GRM8: variants seen among roughly 807,000 people sequenced by gnomAD.
GRM8 encodes the protein metabotropic glutamate receptor 8.
Under a neutral mutation model 87.2 loss-of-function variants are expected in GRM8, and 47 were observed. The observed-to-expected ratio is 0.54, with a 90% CI of 0.43 to 0.69. The LOEUF is 0.69. Ranked by LOEUF, GRM8 falls within the 30% of genes least tolerant of loss-of-function variation. GRM8 has a pLI of 0.00. For missense variants in GRM8, 1,019 were observed against 1,139.2 expected (o/e 0.89, Z 1.52); for synonymous variants, 396 against 404.5 (o/e 0.98, Z 0.25).
chr7:126,634,799 CT>C (rs1271486169), intron 7 of GRM8, among the ~76,000 whole-genome samples: 2 of 152,124 alleles, frequency 1.3e-5, no homozygotes, highest in Non-Finnish European at 2.9e-5. Flanking sequence ...TAAGTCTAGC[CT>C]TTACTTAAGA....
intron 8 of GRM8, among the ~76,000 whole-genome samples, chr7:126,602,086 A>C (rs1295324849): frequency 7.4e-6 from 1 of 135,888 alleles, no homozygotes; most frequent in East Asian, 2.3e-4. Context: ...TAAATCTTTA[A>C]TCCATCTTGA....
At chr7:126,462,208 G>A (rs1249395241) in intron 9 of GRM8, among the ~76,000 whole-genome samples, 1 of 150,776 alleles carries the variant, frequency 6.6e-6, no homozygotes, top group Non-Finnish European at 1.5e-5. Context: ...TGAAAATATA[G>A]GTATTAAATA....
At chr7:127,213,599 T>G (rs1189152937) in intron 2 of GRM8, among the ~76,000 whole-genome samples, 2 of 152,190 alleles carry the variant, frequency 1.3e-5, no homozygotes, top group African/African-American at 4.8e-5. Context: ...GTCTTCTAAT[T>G]TTATCCTTTA....
At chr7:126,833,615 T>A (rs1010585886) in intron 6 of GRM8, among the ~76,000 whole-genome samples, 2 of 152,182 alleles carry the variant, frequency 1.3e-5, no homozygotes, top group African/African-American at 4.8e-5. Flanking sequence ...GAAGCCCGTG[T>A]GTCTCTTTCT....
intron 2 of GRM8, among the ~76,000 whole-genome samples, chr7:127,166,499 G>C (rs1001964022): frequency 6.6e-5 from 10 of 152,168 alleles, no homozygotes; most frequent in African/African-American, 2.4e-4. Context: ...TTTTCAGCTT[G>C]TTGCAGGGTC....
chr7:126,446,163 C>T lies in GRM8; in HGVS notation c.2640G>A (p.Glu880=), dbSNP rs775717204. 15 of 1,612,892 alleles carry T rather than the reference C, an allele frequency of 9.3e-6. No homozygotes were observed. Among genetic ancestry groups the T allele is most frequent in the Non-Finnish European group, 1.3e-5 (15 of 1,179,182 alleles). Residue 880 remains glutamate (E), a synonymous_variant, in exon 10 of 11, where the codon GAG becomes GAA. Coordinates refer to ENST00000339582, the MANE Select transcript of GRM8 (RefSeq NM_000845.3). Reference sequence around the variant, plus strand: ...GACTCTCACAGAGTTCACTTTTCACCTCGCCATTTGGTCTGTCATTTCCTT... The same window carrying T: ...GACTCTCACAGAGTTCACTTTTCACTTCGCCATTTGGTCTGTCATTTCCTT... ...IQKGNDRPNG[E]VKSELCESLE... is the part of the protein sequence containing the mutation.
At chr7:126,907,768 G>A (rs1406469583) in intron 3 of GRM8, among the ~76,000 whole-genome samples, 1 of 152,180 alleles carries the variant, frequency 6.6e-6, no homozygotes, top group Non-Finnish European at 1.5e-5. Context: ...GATACAGAGG[G>A]CAGCCTGAAG....
intron 6 of GRM8, among the ~76,000 whole-genome samples, chr7:126,800,614 A>G (rs1016690721): frequency 6.6e-5 from 10 of 152,162 alleles, no homozygotes; most frequent in African/African-American, 2.4e-4. Context: ...GAAGTTTCAA[A>G]GAATATCCAG....
intron 2 of GRM8, among the ~76,000 whole-genome samples, chr7:127,220,899 C>A (rs1335420167): frequency 1.3e-5 from 2 of 152,220 alleles, no homozygotes; most frequent in African/African-American, 4.8e-5. Flanking sequence ...TTCACATGGT[C>A]TTCCTTCTTG....
chr7:126,618,252 A>T (rs1799737525), intron 7 of GRM8, among the ~76,000 whole-genome samples: 1 of 152,202 alleles, frequency 6.6e-6, no homozygotes, highest in Non-Finnish European at 1.5e-5. Flanking sequence ...TCTTTGACAA[A>T]CCTGACAAAA....
At chr7:126,536,050 A>G (rs1044523130) in intron 8 of GRM8, among the ~76,000 whole-genome samples, 5 of 152,228 alleles carry the variant, frequency 3.3e-5, no homozygotes, top group African/African-American at 1.2e-4. Flanking sequence ...TACATTTTGG[A>G]GTTATTTGTT....
intron 9 of GRM8, among the ~76,000 whole-genome samples, chr7:126,488,247 C>T (rs986998074): frequency 6.6e-6 from 1 of 151,946 alleles, no homozygotes; most frequent in African/African-American, 2.4e-5. Flanking sequence ...GGTGGTAGTG[C>T]CAACATTCAT....
intron 8 of GRM8, among the ~76,000 whole-genome samples, chr7:126,557,118 A>C (rs1199784339): frequency 6.6e-6 from 1 of 152,180 alleles, no homozygotes; most frequent in Non-Finnish European, 1.5e-5. Context: ...TTCCTGTGAT[A>C]TTCACTGGAA....
chr7:126,649,191 G>A (rs901211453), intron 7 of GRM8, among the ~76,000 whole-genome samples: 4 of 152,192 alleles, frequency 2.6e-5, no homozygotes, highest in African/African-American at 7.2e-5. Flanking sequence ...ATTGAAGGAT[G>A]CAAGGTATTG....
chr7:126,931,430 A>G (rs1805758937), intron 3 of GRM8, among the ~76,000 whole-genome samples: 2 of 152,228 alleles, frequency 1.3e-5, no homozygotes, highest in Admixed American at 1.3e-4. Flanking sequence ...TGCACTGAGC[A>G]TAATAGGACA....
intron 3 of GRM8, among the ~76,000 whole-genome samples, chr7:126,994,392 G>C (rs1812970527): frequency 6.6e-6 from 1 of 152,296 alleles, no homozygotes; most frequent in Admixed American, 6.5e-5. Flanking sequence ...GCTGGCTTCA[G>C]CTACCAGCTC....
At chr7:127,169,423 G>T (rs556738348) in intron 2 of GRM8, among the ~76,000 whole-genome samples, 1 of 152,318 alleles carries the variant, frequency 6.6e-6, no homozygotes, top group Admixed American at 6.5e-5. Context: ...AGCAGAGGCT[G>T]GTTGATGAGG....
In GRM8 at chr7:126,473,452, G is replaced by A. The variant is rs1805539218; in HGVS notation, c.2431-27080C>T. Among the ~76,000 whole-genome samples, 4 of 152,160 alleles carry A rather than the reference G, an allele frequency of 2.6e-5. No individual in the cohort carries two copies. The South Asian group carries it at 8.3e-4, about 31-fold the overall frequency. ...GGCGAATTTCTCCCATTTGGAACAG[G>A]TGTATTTACCCAATGCCGGTACCCA... On this transcript the variant is annotated intron_variant, in intron 9 of 10. Transcript: ENST00000339582.
At chr7:126,671,427 G>A (rs1791341982) in intron 7 of GRM8, among the ~76,000 whole-genome samples, 2 of 152,102 alleles carry the variant, frequency 1.3e-5, no homozygotes, top group African/African-American at 2.4e-5. Flanking sequence ...ACTAAAGTCT[G>A]TTTTATAAAT....
Sources: gnomAD v4.1 joint callset for allele counts (sites outside exome capture counted in the v4.1 genomes callset) on GRCh38, gnomAD v4.1.1 for gene constraint, MANE v1.5 for transcripts, NCBI Gene and HGNC (gene_info 2026-07-23, HGNC 2026-07-21) for gene names.